RNF150: variants seen among roughly 807,000 people sequenced by gnomAD.
The protein encoded by RNF150 is ring finger protein 150.
RNF150 carries 24 observed loss-of-function variants against 39.3 expected under a neutral mutation model. The ratio of observed to expected loss-of-function variants is 0.61; its 90% CI spans 0.44 to 0.86. RNF150 has a LOEUF of 0.86. RNF150 is among the 40% of genes least tolerant of loss of function. The pLI is 0.00. For missense variants in RNF150, 502 were observed against 587.8 expected (o/e 0.85, Z 1.51); for synonymous variants, 255 against 227.3 (o/e 1.12, Z -1.10).
At position 140,861,861 on chromosome 4, in the gene RNF150, T is replaced by C. The variant is rs1374544321; in HGVS notation, c.*6400A>G. ...GGGACTAAACACTAGACTTTAAAGA[T>C]GGTGTGGTACTAAGGCCACAATTCA... On this transcript the variant is annotated 3_prime_UTR_variant, in exon 7 of 7. Coordinates refer to ENST00000515673, the MANE Select transcript of RNF150 (RefSeq NM_020724.2). The C allele has an allele frequency of 6.6e-6, 1 of 152,204 alleles. No individual in the cohort carries two copies. Among genetic ancestry groups the C allele is most frequent in the Non-Finnish European group, 1.5e-5 (1 of 68,044 alleles). 9.4% of individuals were successfully genotyped at this position (152,204 alleles called of 1,614,324 possible). A position where few individuals can be genotyped will look rare whatever the true frequency, so the allele number is the denominator to read the frequency against.
At chr4:141,091,029 C>T (rs1738561432) in intron 1 of RNF150, among the ~76,000 whole-genome samples, 1 of 152,184 alleles carries the variant, frequency 6.6e-6, no homozygotes, top group South Asian at 2.1e-4. Context: ...TGGAATATCA[C>T]ATCTGGGTAG....
chr4:141,175,896 T>C (rs577962602), intron 1 of RNF150, among the ~76,000 whole-genome samples: 1 of 152,088 alleles, frequency 6.6e-6, no homozygotes, highest in East Asian at 1.9e-4. Flanking sequence ...CTATCTTTAT[T>C]TTTTTTGAGA....
intron 1 of RNF150, among the ~76,000 whole-genome samples, chr4:141,000,016 A>G (rs1452666458): frequency 7.5e-5 from 3 of 39,940 alleles, no homozygotes; most frequent in East Asian, 6.1e-4. Flanking sequence ...AAGAAGAAGA[A>G]GAAGAAGAAG....
rs188774110 is a variant in RNF150, at chr4:140,912,674, T to G, written c.988-1320A>C. Among the ~76,000 whole-genome samples, 184 of 152,310 alleles carry G rather than the reference T, an allele frequency of 1.2e-3. 1 individual carries two copies. Among genetic ancestry groups the G allele is most frequent in the African/African-American group, 4.1e-3 (172 of 41,560 alleles). ...GTGTCCTAACAGTCAGCTGAAGAGCTCTACCATTCCATAAACACATCAAAT... is the reference window on the plus strand; with the variant it reads ...GTGTCCTAACAGTCAGCTGAAGAGCGCTACCATTCCATAAACACATCAAAT... On this transcript the variant is annotated intron_variant, in intron 5 of 6. Transcript: ENST00000515673.
intron 1 of RNF150, among the ~76,000 whole-genome samples, chr4:140,974,536 T>G (rs1462001167): frequency 1.3e-5 from 2 of 152,220 alleles, no homozygotes; most frequent in East Asian, 3.8e-4. Context: ...AACTGCTAGC[T>G]TGTACGGTAG....
chr4:141,170,119 C>A (rs1412651054), intron 1 of RNF150, among the ~76,000 whole-genome samples: 1 of 152,104 alleles, frequency 6.6e-6, no homozygotes, highest in South Asian at 2.1e-4. Flanking sequence ...CATGAGTCTG[C>A]AAATGAAAAG....
chr4:140,885,626 G>A (rs1729543066), intron 6 of RNF150, among the ~76,000 whole-genome samples: 1 of 151,130 alleles, frequency 6.6e-6, no homozygotes, highest in African/African-American at 2.4e-5. Flanking sequence ...AGTAGAGACG[G>A]GGTTTCTCCA....
chr4:141,180,292 G>A (rs1363170533), intron 1 of RNF150, among the ~76,000 whole-genome samples: 1 of 152,148 alleles, frequency 6.6e-6, no homozygotes, highest in Non-Finnish European at 1.5e-5. Flanking sequence ...GAAGCAAGCA[G>A]AGAGCTTACA....
At chr4:140,961,422 G>C (rs1213780766) in intron 2 of RNF150, among the ~76,000 whole-genome samples, 2 of 152,138 alleles carry the variant, frequency 1.3e-5, no homozygotes, top group African/African-American at 4.8e-5. Context: ...TGAATGGCTG[G>C]ATACTTCGAC....
chr4:141,118,325 T>C (rs1177427173), intron 1 of RNF150, among the ~76,000 whole-genome samples: 1 of 152,226 alleles, frequency 6.6e-6, no homozygotes, highest in Admixed American at 6.5e-5. Flanking sequence ...TGAATGTTCC[T>C]GGGGTCCTTC....
At chr4:141,124,284 G>A (rs935683030) in intron 1 of RNF150, among the ~76,000 whole-genome samples, 5 of 152,192 alleles carry the variant, frequency 3.3e-5, no homozygotes, top group Non-Finnish European at 4.4e-5. Context: ...CTTACATTGT[G>A]GTGGGAGAAG....
intron 1 of RNF150, among the ~76,000 whole-genome samples, chr4:141,027,256 A>G (rs1735736370): frequency 1.3e-5 from 2 of 152,222 alleles, no homozygotes. Context: ...CAAAAGGAAT[A>G]GAGTATGTTC....
At chr4:141,141,415 G>A (rs542157256) in intron 1 of RNF150, among the ~76,000 whole-genome samples, 2 of 152,316 alleles carry the variant, frequency 1.3e-5, no homozygotes, top group African/African-American at 4.8e-5. Flanking sequence ...TCTGGATAAG[G>A]TACTTGGAAA....
chr4:141,172,557 C>A (rs1308340015), intron 1 of RNF150, among the ~76,000 whole-genome samples: 2 of 152,112 alleles, frequency 1.3e-5, no homozygotes, highest in Non-Finnish European at 2.9e-5. Flanking sequence ...ACCTGAAAAC[C>A]TGTACCCTGT....
intron 1 of RNF150, among the ~76,000 whole-genome samples, chr4:141,180,010 A>G (rs1727878194): frequency 1.3e-5 from 2 of 152,214 alleles, no homozygotes; most frequent in Admixed American, 1.3e-4. Context: ...TTTTATTCAC[A>G]GCATCTCAGA....
intron 6 of RNF150, among the ~76,000 whole-genome samples, chr4:140,874,600 C>T (rs1301572621): frequency 6.6e-6 from 1 of 152,206 alleles, no homozygotes; most frequent in Non-Finnish European, 1.5e-5. Context: ...CTCTCTCGCC[C>T]AGGCTGGAGC....
At chr4:140,904,089 G>A (rs1279934653) in intron 6 of RNF150, among the ~76,000 whole-genome samples, 1 of 152,334 alleles carries the variant, frequency 6.6e-6, no homozygotes, top group East Asian at 1.9e-4. Context: ...ATGATGGCAT[G>A]TGCTTATTGC....
At chr4:141,014,871 G>C (rs1262491059) in intron 1 of RNF150, among the ~76,000 whole-genome samples, 1 of 151,930 alleles carries the variant, frequency 6.6e-6, no homozygotes, top group African/African-American at 2.4e-5. Flanking sequence ...GTGCTTTCAG[G>C]ATCATATCCA....
At chr4:140,885,149 T>C (rs1729516428) in intron 6 of RNF150, among the ~76,000 whole-genome samples, 1 of 151,616 alleles carries the variant, frequency 6.6e-6, no homozygotes, top group East Asian at 1.9e-4. Context: ...TTTCCATCTC[T>C]ACAAGCAGTG....
Sources: gnomAD v4.1 joint callset for allele counts (sites outside exome capture counted in the v4.1 genomes callset) on GRCh38, gnomAD v4.1.1 for gene constraint, MANE v1.5 for transcripts, NCBI Gene and HGNC (gene_info 2026-07-23, HGNC 2026-07-21) for gene names.